EFCAB3: variants seen among roughly 807,000 people sequenced by gnomAD.
EFCAB3 encodes the protein EF-hand calcium binding domain 3.
A neutral mutation model predicts 42.2 loss-of-function variants in EFCAB3; 36 were observed. The ratio of observed to expected loss-of-function variants is 0.85; its 90% CI spans 0.65 to 1.13. EFCAB3 has a LOEUF of 1.13. EFCAB3 is among the 50% of genes most tolerant of loss of function. The pLI is 0.00. For missense variants in EFCAB3, 418 were observed against 505.1 expected, an observed-to-expected ratio of 0.83 and a Z score of 1.65; for synonymous variants, 170 against 172.8, an observed-to-expected ratio of 0.98 and a Z score of 0.13.
intron 8 of EFCAB3, among the ~76,000 whole-genome samples, chr17:62,412,202 C>G (rs2070504221): frequency 6.6e-6 from 1 of 151,212 alleles, no homozygotes; most frequent in Non-Finnish European, 1.5e-5. Flanking sequence ...ATGGTGAAAC[C>G]CCATCTCTAC....
intron 1 of EFCAB3, among the ~76,000 whole-genome samples, chr17:62,381,276 G>A (rs1489297822): frequency 1.3e-5 from 2 of 151,544 alleles, no homozygotes; most frequent in Non-Finnish European, 2.9e-5. Context: ...GCGATAGTTT[G>A]CTGAGAATGA....
chr17:62,413,322 A>G (rs533024378), intron 8 of EFCAB3, among the ~76,000 whole-genome samples: 1 of 152,320 alleles, frequency 6.6e-6, no homozygotes, highest in African/African-American at 2.4e-5. Flanking sequence ...ATTCCTCATA[A>G]AAGATCCAAG....
intron 6 of EFCAB3, chr17:62,398,046 A>AG (rs1192676556): frequency 3.5e-6 from 1 of 285,876 alleles, no homozygotes; most frequent in Non-Finnish European, 6.5e-6. Flanking sequence ...AAAAAAAAAA[A>AG]GGTGATATTC....
At chr17:62,393,802 A>T (rs551067066) in intron 5 of EFCAB3, among the ~76,000 whole-genome samples, 158 bp downstream of exon 5, 2 of 152,186 alleles carry the variant, frequency 1.3e-5, no homozygotes, top group Non-Finnish European at 2.9e-5. Flanking sequence ...TATTTGCTAA[A>T]CAAATTGATA....
chr17:62,377,289 T>A (rs1199684668), upstream of EFCAB3, among the ~76,000 whole-genome samples: 1 of 152,182 alleles, frequency 6.6e-6, no homozygotes, highest in Non-Finnish European at 1.5e-5. Flanking sequence ...GCCATGGACC[T>A]TTTTTGATAT....
Position 62,407,217 on chromosome 17 carries a change from G to A in EFCAB3, c.867+5G>A. On this transcript the variant is annotated splice_donor_5th_base_variant and intron_variant, in intron 8 of 9. Coordinates refer to ENST00000305286, the MANE Select transcript of EFCAB3 (RefSeq NM_173503.4). ...AAAAGAGACTGGAAAACACAGGTGA[G>A]ATTTAGATTATGTCACATTAGTTAA... 6.4e-7 allele frequency: 1 copy of A among 1,565,730 alleles called. No individual in the cohort carries two copies. Among genetic ancestry groups the A allele is most frequent in the Non-Finnish European group, 8.6e-7 (1 of 1,160,280 alleles).
chr17:62,375,898 T>C (rs141111272), upstream of EFCAB3, among the ~76,000 whole-genome samples: 784 of 152,296 alleles, frequency 5.1e-3, 6 homozygotes, highest in Non-Finnish European at 7.9e-3. Flanking sequence ...TTTTTTCTTT[T>C]GCTCCAGCTT....
At chr17:62,411,881 GA>G in intron 8 of EFCAB3, among the ~76,000 whole-genome samples, 1 of 67,704 alleles carries the variant, frequency 1.5e-5, no homozygotes. Context: ...AGGAAGGAAG[GA>G]AGGAAGGAAG....
intron 5 of EFCAB3, 104 bp downstream of exon 5, chr17:62,393,748 T>G: frequency 4.2e-6 from 4 of 947,362 alleles, no homozygotes; most frequent in Non-Finnish European, 6.6e-6. Context: ...CAGGAAGGTG[T>G]AGTCTGGGAT....
At chr17:62,381,427 CAA>C (rs1271617151) in intron 1 of EFCAB3, among the ~76,000 whole-genome samples, 1 of 152,000 alleles carries the variant, frequency 6.6e-6, no homozygotes, top group Non-Finnish European at 1.5e-5. Flanking sequence ...GTTCAAATAA[CAA>C]GAGAGGGGGA....
chr17:62,387,453 C>T (rs1426255070), intron 3 of EFCAB3, 37 bp downstream of exon 3: 1 of 1,523,180 alleles, frequency 6.6e-7, no homozygotes, highest in Non-Finnish European at 9.1e-7. Flanking sequence ...AGCATAACAG[C>T]TCCTTAATAT....
chr17:62,385,432 ACT>A (rs994097750), intron 2 of EFCAB3, among the ~76,000 whole-genome samples: 1 of 152,070 alleles, frequency 6.6e-6, no homozygotes, highest in Non-Finnish European at 1.5e-5. Context: ...GCAGAGGGAG[ACT>A]CTGTCTTGAA....
intron 8 of EFCAB3, among the ~76,000 whole-genome samples, chr17:62,412,641 T>A (rs555713408): frequency 1.3e-5 from 2 of 151,960 alleles, no homozygotes; most frequent in African/African-American, 4.8e-5. Context: ...GTTTTTGTAT[T>A]TTTAGTAGAG....
At chr17:62,408,164 G>A (rs2070464418) in intron 8 of EFCAB3, among the ~76,000 whole-genome samples, 1 of 152,144 alleles carries the variant, frequency 6.6e-6, no homozygotes, top group Non-Finnish European at 1.5e-5. Flanking sequence ...TAACATTCAT[G>A]TACACAAGGG....
chr17:62,395,154 G>C lies in EFCAB3; in HGVS notation c.454G>C (p.Ala152Pro), dbSNP rs1229895968. ...EILSRLLETS[A>P]LPRKSIIEIV... ...CCTATCAAGGCTTCTAGAGACTTCAGCCCTACCCAGAAAGTCTATAATAGA... is the reference window on the plus strand; with the variant it reads ...CCTATCAAGGCTTCTAGAGACTTCACCCCTACCCAGAAAGTCTATAATAGA... The change falls in exon 6 of 10, where the codon GCC becomes CCC. Residue 152 changes from alanine to proline, a missense_variant. Transcript: ENST00000305286. 1.2e-6 allele frequency: 2 copies of C among 1,613,878 alleles called. No homozygotes were observed. The highest frequency in any genetic ancestry group is 1.7e-6 in the Non-Finnish European group (2 of 1,180,006).
intron 3 of EFCAB3, 68 bp from the exon 4 acceptor site, chr17:62,391,754 C>G (rs1378876607): frequency 1.3e-5 from 20 of 1,529,052 alleles, no homozygotes; most frequent in Non-Finnish European, 1.6e-5. Context: ...ATTGTCTGTC[C>G]TAGTCCTATT....
In EFCAB3 at chr17:62,407,170, C is replaced by A. The variant is rs147273266; in HGVS notation, c.825C>A (p.Phe275Leu). Residue 275 changes from phenylalanine (F) to leucine (L), a missense_variant, in exon 8 of 10, where the codon TTC (phenylalanine) becomes TTA (leucine). Coordinates refer to ENST00000305286, the MANE Select transcript of EFCAB3 (RefSeq NM_173503.4). ...EMLRIKEPLH[F>L]FEDYFFHKRD... ...TAAGAATAAAGGAGCCTTTGCATTT[C>A]TTTGAGGATTATTTTTTCCATAAAA... is the stretch of plus-strand genomic sequence containing the variant. 1 of 1,599,094 alleles carries A rather than the reference C, an allele frequency of 6.3e-7. No individual in the cohort carries two copies. Among genetic ancestry groups the A allele is most frequent in the Non-Finnish European group, 8.5e-7 (1 of 1,175,746 alleles).
chr17:62,399,258 C>A (rs1313645580), intron 6 of EFCAB3, among the ~76,000 whole-genome samples: 1 of 151,962 alleles, frequency 6.6e-6, no homozygotes, highest in African/African-American at 2.4e-5. Flanking sequence ...GCCTCAACCT[C>A]CCAGGCTTAA....
chr17:62,397,145 A>T (rs748173962), intron 6 of EFCAB3, among the ~76,000 whole-genome samples: 1 of 152,174 alleles, frequency 6.6e-6, no homozygotes, highest in Non-Finnish European at 1.5e-5. Context: ...TGATGTTGGC[A>T]TTTTTATTGT....
Sources: allele counts gnomAD v4.1 joint callset (sites outside exome capture counted in the v4.1 genomes callset), GRCh38; gene constraint gnomAD v4.1.1; transcripts MANE v1.5; gene names NCBI Gene and HGNC (gene_info 2026-07-23, HGNC 2026-07-21).